ZNF677: variants seen among roughly 807,000 people sequenced by gnomAD.
The protein encoded by ZNF677 is hypothetical protein MGC48625.
ZNF677 carries 5 observed loss-of-function variants against 8.1 expected under a neutral mutation model. The ratio of observed to expected loss-of-function variants is 0.62; its 90% CI spans 0.32 to 1.29. ZNF677 has a LOEUF of 1.29. Among genes scored for constraint, ZNF677 ranks in the 50% most tolerant of loss-of-function variants. The probability of loss-of-function intolerance (pLI) is 0.05; values close to 1 mark genes in which losing one functional copy is unlikely to be tolerated. For synonymous variants in ZNF677, 221 were observed against 225.6 expected, an observed-to-expected ratio of 0.98 and a Z score of 0.18; for missense variants, 685 against 685.9, an observed-to-expected ratio of 1.00 and a Z score of 0.01.
At chr19:53,243,430 T>C (rs774493093) in intron 4 of ZNF677, 16 of 448,300 alleles carry the variant, frequency 3.6e-5, no homozygotes, top group Non-Finnish European at 6.2e-5. Context: ...TTATTTTAAA[T>C]ATGCAGACTC....
At chr19:53,245,366 C>T (rs547416428) in intron 3 of ZNF677, among the ~76,000 whole-genome samples, 50 of 152,068 alleles carry the variant, frequency 3.3e-4, no homozygotes, top group African/African-American at 1.1e-3. Context: ...AAAATATTTG[C>T]AAACTATATA....
rs2091019716 is a variant in ZNF677 at position 53,239,805 on chromosome 19, T to C, written c.170-1248A>G. On this transcript the variant is annotated intron_variant, in intron 4 of 4. Transcript: ENST00000598513. ...TGAGGTAAATTATCGCACCTTTTCA[T>C]ACCAAAACAAAGGGCTGAAGAGGTT... 3.3e-5 allele frequency: 5 copies of C among 152,190 alleles called. No homozygotes were observed. The South Asian group carries it at 8.3e-4, about 25-fold the overall frequency. 9.4% of individuals were successfully genotyped at this position (152,190 alleles called of 1,614,324 possible). A position where few individuals can be genotyped will look rare whatever the true frequency, so the allele number is the denominator to read the frequency against.
In ZNF677 at chr19:53,238,123, G is replaced by C; in HGVS notation, c.604C>G (p.Leu202Val). 6.2e-7 allele frequency: 1 copy of C among 1,613,924 alleles called. No homozygotes were observed. Among genetic ancestry groups the C allele is most frequent in the Non-Finnish European group, 8.5e-7 (1 of 1,179,886 alleles). The change falls in exon 5 of 5, where the codon CTA becomes GTA. Residue 202 changes from leucine to valine, a missense_variant. By Grantham distance (32) the Leu-to-Val change is conservative. Coordinates refer to ENST00000598513, the MANE Select transcript of ZNF677 (RefSeq NM_182609.4). The stretch of plus-strand genomic sequence containing the variant: ...TTCTCCCCAGTTTGAAATCTCTGTA[G>C]TTCAGCCAGCTGTGCCTGTAAGCTT... ...GLSLQAQLAE[L>V]QRFQTGEKMY...
chr19:53,243,418 G>C (rs1188807546), intron 4 of ZNF677: 4 of 431,366 alleles, frequency 9.3e-6, no homozygotes, highest in Non-Finnish European at 1.2e-5. Context: ...AATGCTTAGG[G>C]ATTATTTTAA....
Position 53,237,555 on chromosome 19 carries a change from G to A in ZNF677, c.1172C>T (p.Thr391Ile). The A allele has an allele frequency of 6.2e-7, 1 of 1,613,392 alleles. No homozygotes were observed. The highest frequency in any genetic ancestry group is 8.5e-7 in the Non-Finnish European group (1 of 1,179,844). ...DKAFAERSSL[T>I]QHKRIHTGEK... The stretch of plus-strand genomic sequence containing the variant: ...TCCAGTATGGATTCTCTTATGTTGG[G>A]TAAGGCTTGAACGTTCAGCAAAGGC... Residue 391 changes from threonine (T) to isoleucine (I), a missense_variant, in exon 5 of 5, where the codon ACC becomes ATC. Coordinates refer to ENST00000598513, the MANE Select transcript of ZNF677 (RefSeq NM_182609.4).
chr19:53,252,205 C>A (rs1477609397), intron 2 of ZNF677, among the ~76,000 whole-genome samples: 1 of 152,188 alleles, frequency 6.6e-6, no homozygotes, highest in African/African-American at 2.4e-5. Context: ...TTTTGGAGGT[C>A]TCAGAGTCAT....
intron 4 of ZNF677, chr19:53,242,651 C>T: frequency 2.7e-6 from 1 of 376,520 alleles, no homozygotes; most frequent in South Asian, 1.5e-4. Flanking sequence ...ACCCCAGATA[C>T]ATTTTGGGGG....
Position 53,251,611 on chromosome 19 carries a change from T to G in ZNF677, c.-55-6A>C. Reference sequence around the variant, plus strand: ...TCTTTCTCAGGTAAGTCAGTCTGTATGTCAAAAATATGTTGTTTAATGCTT... The same window carrying G: ...TCTTTCTCAGGTAAGTCAGTCTGTAGGTCAAAAATATGTTGTTTAATGCTT... On this transcript the variant is annotated splice_polypyrimidine_tract_variant and splice_region_variant and intron_variant, in intron 2 of 4. Transcript: ENST00000598513. The G allele has an allele frequency of 6.2e-7, 1 of 1,610,068 alleles. No individual in the cohort carries two copies. The highest frequency in any genetic ancestry group is 8.5e-7 in the Non-Finnish European group (1 of 1,177,594).
At chr19:53,238,724 A>G (rs2091004594) in intron 4 of ZNF677, 167 bp from the exon 5 acceptor site, 3 of 555,850 alleles carry the variant, frequency 5.4e-6, no homozygotes, top group Non-Finnish European at 8.9e-6. Context: ...AGCTGTCCTC[A>G]ATAAAGTAAC....
At position 53,249,877 on chromosome 19, in the gene ZNF677, T is replaced by A. The variant is rs1250986121; in HGVS notation, c.15+1659A>T. Among the ~76,000 whole-genome samples the A allele has an allele frequency of 4.6e-5, 7 of 152,264 alleles. No individual in the cohort carries two copies. In the East Asian group the frequency reaches 1.2e-3, roughly 25 times the overall value. On this transcript the variant is annotated intron_variant, in intron 3 of 4. Transcript: ENST00000598513. The stretch of plus-strand genomic sequence containing the variant: ...TTTGGCTATTATTTTTTAATTATTA[T>A]TATTATTTTTTTGAGATGGAGTTTT...
rs1297085439 is a variant in ZNF677 at position 53,238,476 on chromosome 19, T to C, written c.251A>G (p.Glu84Gly). 6 of 1,612,918 alleles carry C rather than the reference T, an allele frequency of 3.7e-6. No homozygotes were observed. The highest frequency in any genetic ancestry group is 2.2e-5 in the South Asian group (2 of 90,992). The change falls in exon 5 of 5, where the codon GAA (glutamate) becomes GGA (glycine). Residue 84 changes from glutamate (E) to glycine (G), a missense_variant. Coordinates refer to ENST00000598513, the MANE Select transcript of ZNF677 (RefSeq NM_182609.4). ...GTTGATGCCATGGCTTTCCTTTCTT[T>C]CTAATATCACCAGATGGTATAATTC... ...KEELYHLVILERKESHGINNF... is the reference protein window; with the variant it reads ...KEELYHLVILGRKESHGINNF...
At chr19:53,253,517 C>G (rs2091266908) in intron 1 of ZNF677, among the ~76,000 whole-genome samples, 1 of 152,082 alleles carries the variant, frequency 6.6e-6, no homozygotes, top group Non-Finnish European at 1.5e-5. Context: ...GTGAAAATCC[C>G]GTCTCTGCTA....
chr19:53,237,779 C>A lies in ZNF677; in HGVS notation c.948G>T (p.Glu316Asp), dbSNP rs1315884169. 1 of 1,613,364 alleles carries A rather than the reference C, an allele frequency of 6.2e-7. No individual in the cohort carries two copies. Among genetic ancestry groups the A allele is most frequent in the African/African-American group, 1.3e-5 (1 of 74,868 alleles). Residue 316 changes from glutamate to aspartate, a missense_variant, in exon 5 of 5, where the codon GAG becomes GAT. Coordinates refer to ENST00000598513, the MANE Select transcript of ZNF677 (RefSeq NM_182609.4). ...LTRHQRVHTGEKPYQCNICGK... is the reference protein window; with the variant it reads ...LTRHQRVHTGDKPYQCNICGK... ...CACATATATTACATTGATATGGTTT[C>A]TCTCCTGTATGGACTCTCTGATGCC... is the stretch of plus-strand genomic sequence containing the variant.
chr19:53,240,510 T>C (rs1288088085), intron 4 of ZNF677: 2 of 152,232 alleles, frequency 1.3e-5, no homozygotes, highest in Non-Finnish European at 2.9e-5. Flanking sequence ...CCTCCCAAAG[T>C]GCTGGGATTA....
At position 53,250,526 on chromosome 19, in the gene ZNF677, G is replaced by T. The variant is rs547149462; in HGVS notation, c.15+1010C>A. Among the ~76,000 whole-genome samples the T allele has an allele frequency of 2.6e-5, 4 of 152,272 alleles. No homozygotes were observed. The South Asian group carries it at 8.3e-4, about 32-fold the overall frequency. ...AAAAAGAGATCATGTCCTCTGCAGG[G>T]ACATGGACAGAGCTTGAGCCCACTA... On this transcript the variant is annotated intron_variant, in intron 3 of 4. Coordinates refer to ENST00000598513, the MANE Select transcript of ZNF677 (RefSeq NM_182609.4).
At chr19:53,251,889 T>G (rs946452719) in intron 2 of ZNF677, among the ~76,000 whole-genome samples, 1 of 152,230 alleles carries the variant, frequency 6.6e-6, no homozygotes, top group African/African-American at 2.4e-5. Flanking sequence ...AAAACTGTTG[T>G]GTCCAAGTTC....
intron 3 of ZNF677, 33 bp from the exon 4 acceptor site, chr19:53,243,930 C>G (rs759702235): frequency 1.4e-5 from 22 of 1,537,424 alleles, no homozygotes; most frequent in Admixed American, 6.6e-5. Context: ...CAAGTGGACA[C>G]AGGAAAATTT....
intron 4 of ZNF677, 43 bp downstream of exon 4, chr19:53,243,699 AAG>A: frequency 6.2e-7 from 1 of 1,613,364 alleles, no homozygotes; most frequent in Non-Finnish European, 8.5e-7. Flanking sequence ...AGGGCCTCCC[AAG>A]AGACTCACAA....
chr19:53,253,923 G>T (rs1466895120), intron 1 of ZNF677, among the ~76,000 whole-genome samples: 2 of 152,156 alleles, frequency 1.3e-5, no homozygotes, highest in African/African-American at 4.8e-5. Flanking sequence ...CGGTGTCACA[G>T]TTTCTTCCCA....
Sources: gnomAD v4.1 joint callset for allele counts (sites outside exome capture counted in the v4.1 genomes callset) on GRCh38, gnomAD v4.1.1 for gene constraint, MANE v1.5 for transcripts, NCBI Gene and HGNC (gene_info 2026-07-23, HGNC 2026-07-21) for gene names.